Variants in PDZD2 observed in about 807,000 individuals in gnomAD.
PDZD2 encodes the protein PDZ domain containing 2.
A neutral mutation model predicts 220.7 loss-of-function variants in PDZD2; 90 were observed. The observed-to-expected ratio is 0.41, with a 90% confidence interval of 0.34 to 0.49. The LOEUF is 0.49. Ranked by LOEUF, PDZD2 falls within the 20% of genes least tolerant of loss-of-function variation. The pLI is 0.28. For missense variants in PDZD2, 3,174 were observed against 3,608.5 expected, an observed-to-expected ratio of 0.88 and a Z score of 3.08; for synonymous variants, 1,375 against 1,450.5, an observed-to-expected ratio of 0.95 and a Z score of 1.18.
chr5:31,827,128 C>T (rs1035919), intron 2 of PDZD2, among the ~76,000 whole-genome samples: 123,485 of 152,134 alleles, frequency 0.81, 51,328 homozygotes, highest in African/African-American at 0.92. Context: ...TTGCCACTTC[C>T]CCACTATGGA....
intron 1 of PDZD2, among the ~76,000 whole-genome samples, chr5:31,683,207 T>TAAAAAAAAAAAAAAAAAAAGAAA (rs35467814): frequency 7.7e-6 from 1 of 129,056 alleles, no homozygotes; most frequent in African/African-American, 2.9e-5. Flanking sequence ...ATCAGAATGT[T>TAAAAAAAAAAAAAAAAAAAGAAA]AAAAAAAAAA....
At chr5:32,035,501 A>AT (rs144551301) in intron 6 of PDZD2, among the ~76,000 whole-genome samples, 3,959 of 150,994 alleles carry the variant, frequency 0.026, 70 homozygotes, top group Non-Finnish European at 0.032. Flanking sequence ...CCTCAGGTGA[A>AT]TTTTTTTTTA....
At chr5:31,773,005 G>A (rs1752423498) in intron 1 of PDZD2, among the ~76,000 whole-genome samples, 1 of 152,198 alleles carries the variant, frequency 6.6e-6, no homozygotes, top group Non-Finnish European at 1.5e-5. Flanking sequence ...GTGAGACAGA[G>A]GACTTTGGAG....
chr5:31,921,954 G>A (rs1744300832), intron 2 of PDZD2, among the ~76,000 whole-genome samples: 1 of 152,138 alleles, frequency 6.6e-6, no homozygotes, highest in Non-Finnish European at 1.5e-5. Context: ...GTTACTACCA[G>A]AATTTGCATT....
intron 1 of PDZD2, among the ~76,000 whole-genome samples, chr5:31,699,767 GT>G (rs56412370): frequency 0.18 from 25,825 of 142,642 alleles, 2,311 homozygotes; most frequent in East Asian, 0.29. Context: ...ATGCCTGGCT[GT>G]TTTTTTTTGT....
chr5:31,661,650 T>A (rs926084403), intron 1 of PDZD2: 4 of 152,196 alleles, frequency 2.6e-5, no homozygotes, highest in Admixed American at 6.5e-5. Flanking sequence ...TTGCACCTGA[T>A]CCTAACTTTG....
chr5:31,997,167 C>G (rs1751702848), intron 4 of PDZD2, among the ~76,000 whole-genome samples: 1 of 152,138 alleles, frequency 6.6e-6, no homozygotes, highest in Non-Finnish European at 1.5e-5. Flanking sequence ...AGTTGATCAT[C>G]TTTTATCTAG....
At chr5:31,736,963 A>ATGTGTAAAAGCTTCC (rs1749896169) in intron 1 of PDZD2, among the ~76,000 whole-genome samples, 2 of 151,682 alleles carry the variant, frequency 1.3e-5, no homozygotes, top group South Asian at 4.2e-4. Context: ...GCCTTCCACC[A>ATGTGTAAAAGCTTCC]TGAGGCCTCC....
At chr5:32,094,385 A>G (rs980880817) in intron 21 of PDZD2, among the ~76,000 whole-genome samples, 1 of 152,234 alleles carries the variant, frequency 6.6e-6, no homozygotes, top group Non-Finnish European at 1.5e-5. Flanking sequence ...AGAGAAATAA[A>G]TATGAATGTT....
At chr5:31,776,843 G>A (rs562089171) in intron 1 of PDZD2, among the ~76,000 whole-genome samples, 19 of 146,276 alleles carry the variant, frequency 1.3e-4, no homozygotes, top group African/African-American at 4.8e-4. Context: ...ATTCTTGGTA[G>A]AGACAGGGTT....
At chr5:31,751,758 T>G (rs979124765) in intron 1 of PDZD2, among the ~76,000 whole-genome samples, 1 of 151,356 alleles carries the variant, frequency 6.6e-6, no homozygotes, top group African/African-American at 2.4e-5. Flanking sequence ...CTGGGAGAGG[T>G]GGTTTGGGTG....
intron 1 of PDZD2, among the ~76,000 whole-genome samples, chr5:31,642,195 C>G (rs926607885): frequency 6.6e-6 from 1 of 152,192 alleles, no homozygotes; most frequent in African/African-American, 2.4e-5. Flanking sequence ...AGGAGCAAAT[C>G]CAAAGAGAGG....
chr5:31,782,204 T>C (rs1753098887), intron 1 of PDZD2, among the ~76,000 whole-genome samples: 1 of 152,138 alleles, frequency 6.6e-6, no homozygotes, highest in Admixed American at 6.5e-5. Context: ...CCATATAAAA[T>C]ACCAGACAGT....
chr5:31,837,579 C>T (rs990229651), intron 2 of PDZD2, among the ~76,000 whole-genome samples: 1 of 152,028 alleles, frequency 6.6e-6, no homozygotes, highest in Non-Finnish European at 1.5e-5. Context: ...AAAAAATTAC[C>T]CAGGCATGGT....
intron 2 of PDZD2, among the ~76,000 whole-genome samples, chr5:31,840,144 C>T (rs143203304): frequency 2.3e-4 from 35 of 151,900 alleles, no homozygotes; most frequent in Middle Eastern, 3.2e-3. Flanking sequence ...GTGAGGATCA[C>T]CTGAGCCCAG....
At chr5:31,885,462 C>A (rs1158148395) in intron 2 of PDZD2, among the ~76,000 whole-genome samples, 1 of 152,064 alleles carries the variant, frequency 6.6e-6, no homozygotes, top group Non-Finnish European at 1.5e-5. Flanking sequence ...GAAGTACTTG[C>A]ATCTGAACAC....
chr5:31,669,618 T>C (rs16901402), intron 1 of PDZD2, among the ~76,000 whole-genome samples: 8,323 of 152,172 alleles, frequency 0.055, 362 homozygotes, highest in East Asian at 0.24. Context: ...TTGCAGGACT[T>C]CACATAGATT....
chr5:32,106,562 T>C (rs536379672), intron 24 of PDZD2: 1 of 152,312 alleles, frequency 6.6e-6, no homozygotes, highest in Non-Finnish European at 1.5e-5. Context: ...AAACTGGAGT[T>C]TGGAGAAATC....
chr5:32,055,781 C>A lies in PDZD2; in HGVS notation c.1901-1874C>A, dbSNP rs375543482. Among the ~76,000 whole-genome samples, 5 of 152,120 alleles carry A rather than the reference C, an allele frequency of 3.3e-5. No individual in the cohort carries two copies. The East Asian group carries it at 5.8e-4, about 18-fold the overall frequency. On this transcript the variant is annotated intron_variant, in intron 10 of 24. Transcript: ENST00000438447. ...GACATGACCAGGCTTCATTCTCCCA[C>A]GGCAGAATATTTATTTCTGTCTCTT... is the stretch of plus-strand genomic sequence containing the variant.
Sources: gnomAD v4.1 joint callset for allele counts (sites outside exome capture counted in the v4.1 genomes callset) on GRCh38, gnomAD v4.1.1 for gene constraint, MANE v1.5 for transcripts, NCBI Gene and HGNC (gene_info 2026-07-23, HGNC 2026-07-21) for gene names.